DNAH8: variants seen among roughly 807,000 people sequenced by gnomAD.
The protein encoded by DNAH8 is axonemal beta dynein heavy chain 8.
DNAH8 carries 382 observed loss-of-function variants against 562.1 expected under a neutral mutation model. That is an observed-to-expected ratio of 0.68 (90% CI 0.63 to 0.74). DNAH8 has a LOEUF of 0.74. Ranked by LOEUF, DNAH8 falls within the 30% of genes least tolerant of loss-of-function variation. DNAH8 has a pLI of 0.00. For synonymous variants in DNAH8, 1,881 were observed against 1,919.4 expected (o/e 0.98, Z 0.52); for missense variants, 5,203 against 5,620.4 (o/e 0.93, Z 2.37).
At chr6:38,766,713 C>A (rs114151056) in intron 11 of DNAH8, among the ~76,000 whole-genome samples, 1 of 151,876 alleles carries the variant, frequency 6.6e-6, no homozygotes, top group Non-Finnish European at 1.5e-5. Context: ...ACACCCCCCA[C>A]CCCAAAAAAT....
intron 8 of DNAH8, among the ~76,000 whole-genome samples, chr6:38,748,499 T>C (rs1765147648): frequency 6.6e-6 from 1 of 152,182 alleles, no homozygotes; most frequent in African/African-American, 2.4e-5. Flanking sequence ...GCATATTATT[T>C]CTGTTTTTGC....
intron 66 of DNAH8, among the ~76,000 whole-genome samples, chr6:38,912,510 C>T (rs1007761048): frequency 2.6e-5 from 4 of 152,068 alleles, no homozygotes; most frequent in Admixed American, 6.6e-5. Context: ...AGCATAACAG[C>T]GCCAAGGTCT....
chr6:38,939,398 A>G lies in DNAH8; in HGVS notation c.12007+410A>G, dbSNP rs1318256110. 2.0e-5 allele frequency among the ~76,000 whole-genome samples: 3 copies of G among 152,190 alleles called. No homozygotes were observed. The East Asian group carries it at 5.8e-4, about 29-fold the overall frequency. On this transcript the variant is annotated intron_variant, in intron 79 of 92. Coordinates refer to ENST00000327475, the MANE Select transcript of DNAH8 (RefSeq NM_001206927.2). ...TTAATCCTATTCATTGCATATCTCC[A>G]TGTTAAAGGTATAATTAAGGAGACA...
rs760954047 is a variant in DNAH8 at position 38,909,697 on chromosome 6, C to A, written c.9693C>A (p.Gly3231=). 2.5e-6 allele frequency: 4 copies of A among 1,614,054 alleles called. No homozygotes were observed. Among genetic ancestry groups the A allele is most frequent in the African/African-American group, 1.3e-5 (1 of 75,046 alleles). The change falls in exon 65 of 93, where the codon GGC becomes GGA. Residue 3231 remains glycine (G), a synonymous_variant. Transcript: ENST00000327475. Reference sequence around the variant, plus strand: ...AAAGACAAGTTGTAGAAACAATGGGCCTGTTTCATGACATGGTTTCAGAGA... The same window carrying A: ...AAAGACAAGTTGTAGAAACAATGGGACTGTTTCATGACATGGTTTCAGAGA... The part of the protein sequence containing the change: ...EIKRQVVETM[G]LFHDMVSESC...
At chr6:38,941,771 T>C (rs1156643617) in intron 79 of DNAH8, among the ~76,000 whole-genome samples, 3 of 152,138 alleles carry the variant, frequency 2.0e-5, no homozygotes, top group African/African-American at 7.2e-5. Context: ...GTAGGGGGCA[T>C]TGAAGCGTGC....
intron 10 of DNAH8, among the ~76,000 whole-genome samples, chr6:38,757,917 A>C (rs1766084263): frequency 6.6e-6 from 1 of 152,140 alleles, no homozygotes; most frequent in African/African-American, 2.4e-5. Context: ...TGTTTTGGTT[A>C]CTGTAGCCTT....
chr6:38,996,699 T>C lies in DNAH8; in HGVS notation c.13214+6527T>C, dbSNP rs115286621. ...AGGACAGGTCTCAAGGGGGGACTGA[T>C]AGGACTTAGCGAATGCAGAGCAATG... On this transcript the variant is annotated intron_variant, in intron 88 of 92. Coordinates refer to ENST00000327475, the MANE Select transcript of DNAH8 (RefSeq NM_001206927.2). Among the ~76,000 whole-genome samples the C allele has an allele frequency of 2.8e-3, 427 of 151,968 alleles. 2 individuals are homozygous for C. Among genetic ancestry groups the C allele is most frequent in the Admixed American group, 5.3e-3 (80 of 15,234 alleles).
At position 38,840,599 on chromosome 6, in the gene DNAH8, T is replaced by A. The variant is rs193000759; in HGVS notation, c.4467-1769T>A. On this transcript the variant is annotated intron_variant, in intron 33 of 92. Coordinates refer to ENST00000327475, the MANE Select transcript of DNAH8 (RefSeq NM_001206927.2). ...ATAAAATTCATCTAGGTTATGATCA[T>A]CTGAAGACATAGTATGAGATTTCAC... Among the ~76,000 whole-genome samples the A allele has an allele frequency of 2.5e-3, 383 of 152,342 alleles. 3 individuals carry two copies. The South Asian group carries it at 0.031, about 12-fold the overall frequency.
intron 18 of DNAH8, 61 bp from the exon 19 acceptor site, chr6:38,789,742 A>G: frequency 7.7e-7 from 1 of 1,300,132 alleles, no homozygotes; most frequent in South Asian, 1.3e-5. Flanking sequence ...GGAATGAATC[A>G]AAATGTGACT....
At chr6:38,796,732 G>A (rs1770298658) in intron 21 of DNAH8, among the ~76,000 whole-genome samples, 1 of 152,070 alleles carries the variant, frequency 6.6e-6, no homozygotes, top group Admixed American at 6.5e-5. Context: ...CTCTCATGGG[G>A]ACCTGCTTAG....
intron 18 of DNAH8, among the ~76,000 whole-genome samples, chr6:38,788,238 G>A (rs1325178571): frequency 1.3e-5 from 2 of 151,422 alleles, no homozygotes; most frequent in Non-Finnish European, 1.5e-5. Flanking sequence ...TGCAACCTCC[G>A]CCTCCTGGGT....
intron 92 of DNAH8, among the ~76,000 whole-genome samples, chr6:39,029,885 A>G (rs946613482): frequency 3.9e-5 from 6 of 152,104 alleles, no homozygotes; most frequent in Non-Finnish European, 8.8e-5. Flanking sequence ...ACTAATAACA[A>G]ACACGAACAT....
chr6:38,961,543 A>G (rs1057257115), intron 82 of DNAH8, among the ~76,000 whole-genome samples: 1 of 152,050 alleles, frequency 6.6e-6, no homozygotes, highest in African/African-American at 2.4e-5. Context: ...AAATATAAGA[A>G]AGATGCAGGA....
Position 38,929,634 on chromosome 6 carries a change from A to G in DNAH8, c.11242A>G (p.Lys3748Glu), listed in dbSNP as rs755529710. 1 of 1,593,622 alleles carries G rather than the reference A, an allele frequency of 6.3e-7. No homozygotes were observed. The highest frequency in any genetic ancestry group is 1.2e-5 in the South Asian group (1 of 86,420). The change falls in exon 75 of 93, where the codon AAG becomes GAG. Residue 3748 changes from lysine to glutamate, a missense_variant. By Grantham distance (56) the Lys-to-Glu change is moderately conservative. Transcript: ENST00000327475. ...LDPALDNVLEKNFIKSGTTFK... is the reference protein window; with the variant it reads ...LDPALDNVLEENFIKSGTTFK... Reference sequence around the variant, plus strand: ...TCCAGCCTTGGATAATGTATTAGAAAAGAATTTTATTAAATCTGGCACCAC... The same window carrying G: ...TCCAGCCTTGGATAATGTATTAGAAGAGAATTTTATTAAATCTGGCACCAC...
intron 62 of DNAH8, 125 bp from the exon 63 acceptor site, chr6:38,906,129 G>A (rs145128133): frequency 0.012 from 5,481 of 475,592 alleles, 65 homozygotes; most frequent in South Asian, 0.033. Flanking sequence ...GGATGGTCTC[G>A]ATCTCCTGAC....
intron 88 of DNAH8, among the ~76,000 whole-genome samples, chr6:39,000,096 A>G (rs1765388153): frequency 6.6e-6 from 1 of 152,210 alleles, no homozygotes; most frequent in Non-Finnish European, 1.5e-5. Context: ...ATGCAAGCCA[A>G]TTGGCCTCAA....
At chr6:38,871,556 T>C (rs1477148101) in intron 49 of DNAH8, among the ~76,000 whole-genome samples, 1 of 152,198 alleles carries the variant, frequency 6.6e-6, no homozygotes, top group Non-Finnish European at 1.5e-5. Context: ...ACAATGGTAA[T>C]ACATTTCTGT....
chr6:38,775,359 A>G (rs1205798224), intron 12 of DNAH8, among the ~76,000 whole-genome samples: 1 of 152,174 alleles, frequency 6.6e-6, no homozygotes, highest in Non-Finnish European at 1.5e-5. Context: ...GCTAATGTTA[A>G]TTGTCAGAAC....
chr6:39,006,772 G>A (rs770289902), intron 88 of DNAH8, among the ~76,000 whole-genome samples: 23 of 152,312 alleles, frequency 1.5e-4, no homozygotes, highest in Middle Eastern at 3.4e-3. Context: ...TTTCAGGAAA[G>A]ATTTTTCCCC....
Sources: allele counts gnomAD v4.1 joint callset (sites outside exome capture counted in the v4.1 genomes callset), GRCh38; gene constraint gnomAD v4.1.1; transcripts MANE v1.5; gene names NCBI Gene and HGNC (gene_info 2026-07-23, HGNC 2026-07-21).